SLC12A7: variants seen among roughly 807,000 people sequenced by gnomAD.
The protein encoded by SLC12A7 is K-Cl cotransporter 4.
A neutral mutation model predicts 120.6 loss-of-function variants in SLC12A7; 100 were observed. The observed-to-expected ratio is 0.83, with a 90% confidence interval of 0.71 to 0.98. SLC12A7 has a LOEUF of 0.98. Among genes scored for constraint, SLC12A7 ranks in the 50% least tolerant of loss-of-function variants. The probability of loss-of-function intolerance (pLI) is 0.00; values close to 1 mark genes in which losing one functional copy is unlikely to be tolerated. For missense variants in SLC12A7, 1,373 were observed against 1,548.1 expected (o/e 0.89, Z 1.90); for synonymous variants, 760 against 678.0 (o/e 1.12, Z -1.88).
chr5:1,144,096 G>A, the SLC12A7 span, among the ~76,000 whole-genome samples: 2 of 152,188 alleles, frequency 1.3e-5, no homozygotes, highest in African/African-American at 4.8e-5. Context: ...GGGCACACCC[G>A]CCAACCTCAG....
In SLC12A7 at chr5:1,083,872, G is replaced by T; in HGVS notation, c.1002C>A (p.Ala334=). 1 of 1,608,544 alleles carries T rather than the reference G, an allele frequency of 6.2e-7. No individual in the cohort carries two copies. The change falls in exon 8 of 24, where the codon GCC becomes GCA. Residue 334 remains alanine, a synonymous_variant. Transcript: ENST00000264930. ...VKAYGIHNNS[A]TSALWGLFCN... is the part of the protein sequence containing the mutation. ...AGAAGAGGCCCCAGAGCGCGGAGGT[G>T]GCTGAGTTGTTGTGGATGCCGTAGG...
At position 1,088,293 on chromosome 5, in the gene SLC12A7, G is replaced by C; in HGVS notation, c.544+13C>G. 6.3e-7 allele frequency: 1 copy of C among 1,580,656 alleles called. No individual in the cohort carries two copies. The highest frequency in any genetic ancestry group is 1.8e-5 in the Admixed American group (1 of 54,848). ...AACAGGACTCAGGGCCGCGGCTGGC[G>C]GGCACCCCTTACCTGGGACCACACC... On this transcript the variant is annotated intron_variant, in intron 5 of 23. Transcript: ENST00000264930.
At chr5:1,091,610 G>C (rs1179945093) in intron 3 of SLC12A7, among the ~76,000 whole-genome samples, 1 of 152,206 alleles carries the variant, frequency 6.6e-6, no homozygotes, top group Non-Finnish European at 1.5e-5. Context: ...CCCAGCATGC[G>C]TGAAACCCCA....
At chr5:1,070,007 CCCCA>C (rs1737505756) in intron 17 of SLC12A7, among the ~76,000 whole-genome samples, 5 of 66,726 alleles carry the variant, frequency 7.5e-5, no homozygotes, top group Admixed American at 1.7e-4. Context: ...CCCAGTGAGC[CCCCA>C]GCACACGGGC....
chr5:1,082,627 G>A (rs1325736427), intron 8 of SLC12A7, among the ~76,000 whole-genome samples: 2 of 142,814 alleles, frequency 1.4e-5, no homozygotes, highest in East Asian at 4.3e-4. Context: ...TAGGGTTCTG[G>A]AAAGTCCGGG....
chr5:1,127,012 A>G, the SLC12A7 span, among the ~76,000 whole-genome samples: 217 of 152,150 alleles, frequency 1.4e-3, no homozygotes, highest in African/African-American at 5.0e-3. Flanking sequence ...TCTCAATCCA[A>G]TGACTGATGT....
At chr5:1,148,183 G>A in the SLC12A7 span, among the ~76,000 whole-genome samples, 1 of 142,412 alleles carries the variant, frequency 7.0e-6, no homozygotes, top group African/African-American at 2.6e-5. Context: ...GCTTTTTTTT[G>A]TTGATACTTT....
chr5:1,099,398 G>A (rs866675172), intron 1 of SLC12A7, among the ~76,000 whole-genome samples: 5 of 144,728 alleles, frequency 3.5e-5, no homozygotes, highest in Middle Eastern at 3.3e-3. Context: ...AGCAGGGCCC[G>A]ACCCGGTCCA....
chr5:1,078,813 GGGGGT>G (rs1183561626), intron 10 of SLC12A7, 55 bp from the exon 11 acceptor site: 110 of 712,386 alleles, frequency 1.5e-4, no homozygotes, highest in South Asian at 3.4e-4. Context: ...CTCAGGTACG[GGGGGT>G]GGGGTGGGGT....
At chr5:1,085,671 CG>C (rs1739777888) in intron 6 of SLC12A7, among the ~76,000 whole-genome samples, 198 bp from the exon 7 acceptor site, 1 of 137,164 alleles carries the variant, frequency 7.3e-6, no homozygotes, top group Non-Finnish European at 1.7e-5. Context: ...AGCGCACAGG[CG>C]AGGGACGGAG....
intron 15 of SLC12A7, among the ~76,000 whole-genome samples, 172 bp downstream of exon 15, chr5:1,075,199 A>T (rs1279222605): frequency 6.6e-6 from 1 of 152,112 alleles, no homozygotes; most frequent in Non-Finnish European, 1.5e-5. Flanking sequence ...AGTGGGAGGG[A>T]AACCCCAGCT....
chr5:1,083,550 C>T (rs979806204), intron 8 of SLC12A7, among the ~76,000 whole-genome samples, 195 bp downstream of exon 8: 6 of 152,212 alleles, frequency 3.9e-5, no homozygotes, highest in Admixed American at 6.5e-5. Flanking sequence ...CCTGCCACAC[C>T]GTGTTTGGCT....
intron 1 of SLC12A7, among the ~76,000 whole-genome samples, chr5:1,096,343 C>T (rs999047391): frequency 5.9e-5 from 9 of 152,224 alleles, no homozygotes; most frequent in East Asian, 3.9e-4. Flanking sequence ...GGCAGATGGG[C>T]GTTCTCCACA....
rs180886132 is a variant in SLC12A7 at position 1,068,093 on chromosome 5, G to A, written c.2242-2615C>T. On this transcript the variant is annotated intron_variant, in intron 17 of 23. Coordinates refer to ENST00000264930, the MANE Select transcript of SLC12A7 (RefSeq NM_006598.3). The stretch of plus-strand genomic sequence containing the variant: ...GCGCGCATGAGCCTCCCTGGCGACT[G>A]CATGAGTCACGAAGCTGCACGCTTC... 5.9e-5 allele frequency among the ~76,000 whole-genome samples: 9 copies of A among 152,352 alleles called. No individual in the cohort carries two copies. The East Asian group carries it at 1.5e-3, about 26-fold the overall frequency.
At chr5:1,062,696 ACTGAGGGACTGGGGGACTGGGGGG>A (rs979074429) in intron 20 of SLC12A7, among the ~76,000 whole-genome samples, 10 of 10,298 alleles carry the variant, frequency 9.7e-4, no homozygotes, top group Non-Finnish European at 3.3e-3. Context: ...GGGCTGGGGG[ACTGAGGGACTGGGGGACTGGGGGG>A]CTGCGGGGCT....
chr5:1,062,687 G>A (rs1179775667), intron 20 of SLC12A7, among the ~76,000 whole-genome samples: 3 of 11,236 alleles, frequency 2.7e-4, no homozygotes, highest in African/African-American at 3.2e-4. Context: ...GGGGCTGGGG[G>A]GCTGGGGGAC....
intron 1 of SLC12A7, among the ~76,000 whole-genome samples, chr5:1,108,615 C>G (rs749885854): frequency 4.6e-5 from 7 of 152,224 alleles, no homozygotes; most frequent in African/African-American, 1.7e-4. Flanking sequence ...CCTGGACGCT[C>G]TGTGTGTGGT....
At chr5:1,077,064 C>CCT in intron 12 of SLC12A7, among the ~76,000 whole-genome samples, 1 of 151,842 alleles carries the variant, frequency 6.6e-6, no homozygotes, top group Non-Finnish European at 1.5e-5. Context: ...GCCTGCCCCC[C>CCT]CGCCTCAGTT....
At position 1,057,607 on chromosome 5, in the gene SLC12A7, C is replaced by T. The variant is rs777064151; in HGVS notation, c.2890G>A (p.Ala964Thr). Residue 964 changes from alanine to threonine, a missense_variant, in exon 22 of 24, where the codon GCG (alanine) becomes ACG (threonine). Coordinates refer to ENST00000264930, the MANE Select transcript of SLC12A7 (RefSeq NM_006598.3). ...GGCGGCGCTTGGGTCCTGGCTGCCG[C>T]CGCGGTGTGGGACGCGGTGTTCCTG... ...HDRNTASHTA[A>T]AARTQAPPTP... 5 of 1,607,716 alleles carry T rather than the reference C, an allele frequency of 3.1e-6. No individual in the cohort carries two copies. In the Admixed American group the frequency reaches 8.3e-5, roughly 27 times the overall value.
Sources: allele counts gnomAD v4.1 joint callset (sites outside exome capture counted in the v4.1 genomes callset), GRCh38; gene constraint gnomAD v4.1.1; transcripts MANE v1.5; gene names NCBI Gene and HGNC (gene_info 2026-07-23, HGNC 2026-07-21).